Variants in KIAA1614 observed in about 807,000 individuals in gnomAD.
KIAA1614 encodes uncharacterized protein KIAA1614.
In KIAA1614, 76 loss-of-function variants were observed where a neutral mutation model predicts 88.7. The observed-to-expected ratio is 0.86, with a 90% CI of 0.71 to 1.04. The LOEUF is 1.04. Ranked by LOEUF, KIAA1614 falls within the 50% of genes least tolerant of loss-of-function variation. The pLI, the probability that KIAA1614 is intolerant of heterozygous loss-of-function variation, is 0.00. For synonymous variants in KIAA1614, 714 were observed against 675.5 expected (o/e 1.06, Z -0.88); for missense variants, 1,553 against 1,582.5 (o/e 0.98, Z 0.32).
rs1284342564 is a variant in KIAA1614 at position 180,936,744 on chromosome 1, A to G, written c.2761+74A>G. 3.0e-6 allele frequency: 3 copies of G among 991,518 alleles called. No homozygotes were observed. The East Asian group carries it at 8.0e-5, about 26-fold the overall frequency. 61.4% of individuals were successfully genotyped at this position (991,518 alleles called of 1,614,324 possible). ...TACAGCAGACGCCCAGACCCAATCC[A>G]TGACACACAGGCCTTCAGAGTCATT... On this transcript the variant is annotated intron_variant, in intron 5 of 8. Coordinates refer to ENST00000367588, the MANE Select transcript of KIAA1614 (RefSeq NM_020950.2).
chr1:180,935,300 A>G lies in KIAA1614; in HGVS notation c.1391A>G (p.His464Arg). 6.7e-7 allele frequency: 1 copy of G among 1,492,900 alleles called. No individual in the cohort carries two copies. The allele number at this position is 1,492,900 out of a possible 1,614,324, so 92.5% of individuals were successfully genotyped here. The change falls in exon 5 of 9, where the codon CAC becomes CGC. Residue 464 changes from histidine (H) to arginine (R), a missense_variant. Coordinates refer to ENST00000367588, the MANE Select transcript of KIAA1614 (RefSeq NM_020950.2). This position sits in a 1 kb window ranked among gnomAD's most constrained non-coding sequence, Gnocchi z 6.1. Reference sequence around the variant, plus strand: ...TCCGCCCGCGAAGCCGAGTTCCGTCACCTGGAGCGGCTGCAGCAGCGCCAG... The same window carrying G: ...TCCGCCCGCGAAGCCGAGTTCCGTCGCCTGGAGCGGCTGCAGCAGCGCCAG... The part of the protein sequence containing the change: ...DESAREAEFR[H>R]LERLQQRQRQ...
intron 6 of KIAA1614, among the ~76,000 whole-genome samples, chr1:180,940,299 G>C (rs1335522479): frequency 1.3e-5 from 2 of 152,252 alleles, no homozygotes; most frequent in East Asian, 3.9e-4. Flanking sequence ...TCAGGAGTTC[G>C]AGACCAGCCT....
chr1:180,950,627 GGCGGAAA>G lies in KIAA1614; in HGVS notation c.*5040_*5046del. 5 of 642,126 alleles carry G rather than the reference GGCGGAAA, an allele frequency of 7.8e-6. No individual in the cohort carries two copies. Among genetic ancestry groups the G allele is most frequent in the Non-Finnish European group, 9.8e-6 (5 of 510,362 alleles). 39.8% of individuals were successfully genotyped at this position (642,126 alleles called of 1,614,324 possible). ...AACGTGCTGCACAGAGCTGCTCTGT[GGCGGAAA>G]CAGATCCTGGCAGCATCTAACCCCT... On this transcript the variant is annotated 3_prime_UTR_variant, in exon 9 of 9. Coordinates refer to ENST00000367588, the MANE Select transcript of KIAA1614 (RefSeq NM_020950.2).
chr1:180,942,237 C>G (rs1654484900), intron 7 of KIAA1614, among the ~76,000 whole-genome samples: 1 of 152,232 alleles, frequency 6.6e-6, no homozygotes, highest in Admixed American at 6.5e-5. Flanking sequence ...TAGTGCAGTA[C>G]GCACAATACA....
Position 180,950,488 on chromosome 1 carries a change from G to C in KIAA1614, c.*4900G>C. On this transcript the variant is annotated 3_prime_UTR_variant, in exon 9 of 9. Coordinates refer to ENST00000367588, the MANE Select transcript of KIAA1614 (RefSeq NM_020950.2). ...TTAAGGAGCTCCTGGCCCACTCAGA[G>C]AGCTTGTCAATCCGTGTCCTGAGGC... The C allele has an allele frequency of 1.8e-6, 2 of 1,138,286 alleles. No homozygotes were observed. The highest frequency in any genetic ancestry group is 3.5e-5 in the South Asian group (2 of 57,952). The allele number at this position is 1,138,286 out of a possible 1,614,324, so 70.5% of individuals were successfully genotyped here.
intron 7 of KIAA1614, among the ~76,000 whole-genome samples, chr1:180,941,580 CCTGATGGTT>C: frequency 6.6e-6 from 1 of 152,266 alleles, no homozygotes; most frequent in Non-Finnish European, 1.5e-5. Flanking sequence ...GAGTTGACAG[CCTGATGGTT>C]CTGGAAACTT....
rs1161528383 is a variant in KIAA1614 at position 180,912,974 on chromosome 1, C to T, written c.-270C>T. ...CCCTGCCAGCGCCCTCCCTGCCCGA[C>T]CCCGCTTCCCGTCCTCTCGCCGGGA... On this transcript the variant is annotated 5_prime_UTR_variant, in exon 1 of 9. Coordinates refer to ENST00000367588, the MANE Select transcript of KIAA1614 (RefSeq NM_020950.2). This position sits in a 1 kb window ranked among gnomAD's most constrained non-coding sequence, Gnocchi z 5.1. Among the ~76,000 whole-genome samples the T allele has an allele frequency of 6.6e-6, 1 of 151,912 alleles. No individual in the cohort carries two copies. The highest frequency in any genetic ancestry group is 1.5e-5 in the Non-Finnish European group (1 of 67,936).
At position 180,916,571 on chromosome 1, in the gene KIAA1614, C is replaced by A. The variant is rs534870155; in HGVS notation, c.468C>A (p.Ile156=). ...CTGATGGGCAGCTGGACGGCAGCAT[C>A]AATGAGGAGCAACCCGCCAGGGATG... ...NLPDGQLDGS[I]NEEQPARDGG... Residue 156 remains isoleucine, a synonymous_variant, in exon 2 of 9, where the codon ATC becomes ATA. Coordinates refer to ENST00000367588, the MANE Select transcript of KIAA1614 (RefSeq NM_020950.2). 4 of 1,609,928 alleles carry A rather than the reference C, an allele frequency of 2.5e-6. No homozygotes were observed. In the Admixed American group the frequency reaches 6.7e-5, roughly 27 times the overall value.
rs976679105 is a variant in KIAA1614 at position 180,913,098 on chromosome 1, G to C, written c.-146G>C. The C allele has an allele frequency of 8.1e-5, 40 of 491,004 alleles. No homozygotes were observed. Among genetic ancestry groups the C allele is most frequent in the Non-Finnish European group, 1.2e-4 (38 of 318,740 alleles). 30.4% of individuals were successfully genotyped at this position (491,004 alleles called of 1,614,324 possible). On this transcript the variant is annotated 5_prime_UTR_variant, in exon 1 of 9. Transcript: ENST00000367588. Reference sequence around the variant, plus strand: ...CTGGCCCGGCCTCGGCGCCGTCCCGGACCCCCAGTCGGCCGCGCCCCGAGG... The same window carrying C: ...CTGGCCCGGCCTCGGCGCCGTCCCGCACCCCCAGTCGGCCGCGCCCCGAGG...
intron 3 of KIAA1614, among the ~76,000 whole-genome samples, chr1:180,918,580 C>G (rs1571283546): frequency 6.6e-6 from 1 of 152,324 alleles, no homozygotes; most frequent in East Asian, 1.9e-4. Flanking sequence ...GGCACCTGCA[C>G]AGAGGTTGAA....
chr1:180,935,909 TC>T lies in KIAA1614; in HGVS notation c.2003del (p.Pro668LeufsTer22). On this transcript the variant is annotated frameshift_variant, in exon 5 of 9. Coordinates refer to ENST00000367588, the MANE Select transcript of KIAA1614 (RefSeq NM_020950.2). LOFTEE classifies it high-confidence loss of function. This position sits in a 1 kb window ranked among gnomAD's most constrained non-coding sequence, Gnocchi z 6.1. Reference sequence around the variant, plus strand: ...TGGTCCAAGAAGGCTGAGGCGGAGCTCCCTTGGGGCCTTCAGGCCCAGCAAC... The same window carrying T: ...TGGTCCAAGAAGGCTGAGGCGGAGCTCCTTGGGGCCTTCAGGCCCAGCAAC... ...HRWSKKAEAELPWGLQAQQHL... is the reference protein window; with the variant it reads ...HRWSKKAEAEXPWGLQAQQHL... 4.3e-6 allele frequency: 7 copies of T among 1,613,850 alleles called. No individual in the cohort carries two copies. Among genetic ancestry groups the T allele is most frequent in the Non-Finnish European group, 5.9e-6 (7 of 1,179,906 alleles).
chr1:180,938,022 G>A (rs1352838540), intron 5 of KIAA1614, among the ~76,000 whole-genome samples: 6 of 152,262 alleles, frequency 3.9e-5, no homozygotes, highest in South Asian at 2.1e-4. Flanking sequence ...GGACGATGAC[G>A]GCACCATCTC....
rs1200119936 is a variant in KIAA1614, at chr1:180,936,530, T to C, written c.2621T>C (p.Leu874Pro). ...PSRPQVRHPL[L>P]ALSTNNCNNS... ...CGCCCTCAGGTCAGGCACCCACTGC[T>C]GGCCCTGTCCACCAACAACTGCAAC... The change falls in exon 5 of 9, where the codon CTG (leucine) becomes CCG (proline). Residue 874 changes from leucine to proline, a missense_variant. Leu to Pro is a moderately conservative substitution (Grantham distance 98). Coordinates refer to ENST00000367588, the MANE Select transcript of KIAA1614 (RefSeq NM_020950.2). 1 of 1,613,932 alleles carries C rather than the reference T, an allele frequency of 6.2e-7. No individual in the cohort carries two copies. Among genetic ancestry groups the C allele is most frequent in the Non-Finnish European group, 8.5e-7 (1 of 1,179,994 alleles).
chr1:180,943,457 T>C (rs1466540578), intron 7 of KIAA1614, among the ~76,000 whole-genome samples: 1 of 149,496 alleles, frequency 6.7e-6, no homozygotes, highest in Non-Finnish European at 1.5e-5. Context: ...CAATTTGCAA[T>C]TGCAAATATA....
At chr1:180,944,853 C>A (rs1654552865) in intron 8 of KIAA1614, 1 of 252,656 alleles carries the variant, frequency 4.0e-6, no homozygotes, top group Non-Finnish European at 7.5e-6. Context: ...TCTGAATAAA[C>A]ACATAGAGAC....
chr1:180,942,975 G>T lies in KIAA1614; in HGVS notation c.3160-1414G>T, dbSNP rs544173456. 2.6e-5 allele frequency among the ~76,000 whole-genome samples: 4 copies of T among 152,148 alleles called. No homozygotes were observed. In the South Asian group the frequency reaches 8.3e-4, roughly 32 times the overall value. On this transcript the variant is annotated intron_variant, in intron 7 of 8. Transcript: ENST00000367588. ...TATTTGTGACATTCCAATACTTGCTGTTGGTGTGTGGTGCTGCCAAGAGTG... is the reference window on the plus strand; with the variant it reads ...TATTTGTGACATTCCAATACTTGCTTTTGGTGTGTGGTGCTGCCAAGAGTG...
At position 180,947,308 on chromosome 1, in the gene KIAA1614, T is replaced by C. The variant is rs1417649075; in HGVS notation, c.*1720T>C. On this transcript the variant is annotated 3_prime_UTR_variant, in exon 9 of 9. Coordinates refer to ENST00000367588, the MANE Select transcript of KIAA1614 (RefSeq NM_020950.2). ...TCATGCCGAATGAGATGGGAGCCAC[T>C]AGAGGGCTCGGAGCGAGCACTGAGA... 6.6e-6 allele frequency: 1 copy of C among 152,322 alleles called. No homozygotes were observed. The highest frequency in any genetic ancestry group is 2.4e-5 in the African/African-American group (1 of 41,452). The allele number at this position is 152,322 out of a possible 1,614,324, so 9.4% of individuals were successfully genotyped here. A position where few individuals can be genotyped will look rare whatever the true frequency, so the allele number is the denominator to read the frequency against.
Position 180,945,682 on chromosome 1 carries a change from A to T in KIAA1614, c.*94A>T. The stretch of plus-strand genomic sequence containing the variant: ...TCTGAATTGTCCAGGGCTCTCTAGG[A>T]GTCTGCACCTGCAGAGCCTTTGCCC... On this transcript the variant is annotated 3_prime_UTR_variant, in exon 9 of 9. Coordinates refer to ENST00000367588, the MANE Select transcript of KIAA1614 (RefSeq NM_020950.2). 6.9e-7 allele frequency: 1 copy of T among 1,444,006 alleles called. No homozygotes were observed. Among genetic ancestry groups the T allele is most frequent in the Admixed American group, 3.1e-5 (1 of 32,040 alleles). The allele number at this position is 1,444,006 out of a possible 1,614,324, so 89.4% of individuals were successfully genotyped here. A position where few individuals can be genotyped will look rare whatever the true frequency, so the allele number is the denominator to read the frequency against.
Position 180,947,168 on chromosome 1 carries a change from G to C in KIAA1614, c.*1580G>C, listed in dbSNP as rs934267305. 6.6e-6 allele frequency: 1 copy of C among 152,336 alleles called. No homozygotes were observed. The highest frequency in any genetic ancestry group is 1.5e-5 in the Non-Finnish European group (1 of 68,114). 9.4% of individuals were successfully genotyped at this position (152,336 alleles called of 1,614,324 possible). On this transcript the variant is annotated 3_prime_UTR_variant, in exon 9 of 9. Transcript: ENST00000367588. ...AAGTGCGGAGCCCTGGTGGAGGGGC[G>C]AGCCTGGCCTGTGAGAACTGTGAGG...
Sources: allele counts gnomAD v4.1 joint callset (sites outside exome capture counted in the v4.1 genomes callset), GRCh38; gene constraint gnomAD v4.1.1; non-coding constraint Gnocchi (gnomAD v3.1); transcripts MANE v1.5; gene names NCBI Gene and HGNC (gene_info 2026-07-23, HGNC 2026-07-21).